Variants in CREBBP observed in about 807,000 individuals in gnomAD.
CREBBP encodes the protein CREB-binding protein.
In CREBBP, 19 loss-of-function variants were observed where a neutral mutation model predicts 265.0. That is an observed-to-expected ratio of 0.07 (90% confidence interval 0.05 to 0.11). The LOEUF (loss-of-function observed/expected upper bound fraction) is 0.11, where lower values mean the gene tolerates loss of function less well. CREBBP is among the 10% of genes least tolerant of loss of function. The probability of loss-of-function intolerance (pLI) is 1.00; values close to 1 mark genes in which losing one functional copy is unlikely to be tolerated. For synonymous variants in CREBBP, 1,457 were observed against 1,223.7 expected, an observed-to-expected ratio of 1.19 and a Z score of -3.98; for missense variants, 2,525 against 3,219.0, an observed-to-expected ratio of 0.78 and a Z score of 5.22.
chr16:3,876,331 C>T (rs2055399135), intron 1 of CREBBP, among the ~76,000 whole-genome samples: 1 of 149,284 alleles, frequency 6.7e-6, no homozygotes, highest in African/African-American at 2.5e-5. Flanking sequence ...TGAGCCACCA[C>T]CCTGGCCTGC....
At position 3,875,931 on chromosome 16, in the gene CREBBP, T is replaced by G. The variant is rs1248396507; in HGVS notation, c.85+3901A>C. Among the ~76,000 whole-genome samples, 4 of 152,310 alleles carry G rather than the reference T, an allele frequency of 2.6e-5. No homozygotes were observed. The East Asian group carries it at 7.7e-4, about 29-fold the overall frequency. ...AGCTTTCTTTAAATAAGCTTCCCTA[T>G]TGCATTTAAAAGGATTCACGTCATA... On this transcript the variant is annotated intron_variant, in intron 1 of 30. Transcript: ENST00000262367.
chr16:3,745,144 T>G, intron 22 of CREBBP, 133 bp downstream of exon 22: 1 of 998,020 alleles, frequency 1.0e-6, no homozygotes, highest in South Asian at 1.4e-5. Flanking sequence ...GAACTTAAAT[T>G]TAGAACCAAC....
At chr16:3,851,305 T>TAAAAAAAA (rs2054830531) in intron 1 of CREBBP, among the ~76,000 whole-genome samples, 1 of 69,006 alleles carries the variant, frequency 1.4e-5, no homozygotes, top group East Asian at 4.5e-4. Context: ...AAAAAAAAAA[T>TAAAAAAAA]TAAAAAAAAA....
In CREBBP at chr16:3,848,942, T is replaced by TA. The variant is rs892022265; in HGVS notation, c.798+1354dup. Among the ~76,000 whole-genome samples, 13 of 151,868 alleles carry TA rather than the reference T, an allele frequency of 8.6e-5. No homozygotes were observed. The South Asian group carries it at 1.0e-3, about 12-fold the overall frequency. ...ATTACTTCATCTTCATTTCTTAAGT[T>TA]AAAAAAAAATCCTCTCGTTTCCGAC... On this transcript the variant is annotated intron_variant, in intron 2 of 30. Coordinates refer to ENST00000262367, the MANE Select transcript of CREBBP (RefSeq NM_004380.3).
At chr16:3,863,822 G>A (rs1010104509) in intron 1 of CREBBP, among the ~76,000 whole-genome samples, 1 of 152,120 alleles carries the variant, frequency 6.6e-6, no homozygotes, top group Non-Finnish European at 1.5e-5. Flanking sequence ...GACAAGGGTG[G>A]AATGGAAGGT....
intron 23 of CREBBP, chr16:3,743,409 T>C (rs990918199): frequency 1.3e-5 from 2 of 152,254 alleles, no homozygotes; most frequent in Non-Finnish European, 2.9e-5. Flanking sequence ...ACAACAGAGT[T>C]TGAACTTGAA....
At chr16:3,786,817 A>G (rs997467041) in intron 5 of CREBBP, among the ~76,000 whole-genome samples, 1 of 152,182 alleles carries the variant, frequency 6.6e-6, no homozygotes, top group African/African-American at 2.4e-5. Context: ...CACGCCTGTA[A>G]TCCCAGCACT....
intron 1 of CREBBP, among the ~76,000 whole-genome samples, chr16:3,853,939 AAAACAAAC>A (rs550524407): frequency 4.0e-5 from 6 of 151,550 alleles, no homozygotes; most frequent in Non-Finnish European, 7.4e-5. Context: ...CTCCGTCTCA[AAAACAAAC>A]AAACAAACAA....
At chr16:3,748,300 A>G (rs527654792) in intron 21 of CREBBP, among the ~76,000 whole-genome samples, 1 of 152,122 alleles carries the variant, frequency 6.6e-6, no homozygotes, top group East Asian at 1.9e-4. Flanking sequence ...AAAAGGAAAG[A>G]AAAGTAGATA....
intron 2 of CREBBP, among the ~76,000 whole-genome samples, chr16:3,834,678 G>A (rs771303479): frequency 2.0e-5 from 3 of 152,060 alleles, no homozygotes; most frequent in Non-Finnish European, 4.4e-5. Flanking sequence ...TACAGACTTC[G>A]GATTATGATG....
intron 18 of CREBBP, 21 bp downstream of exon 18, chr16:3,757,788 C>A: frequency 1.2e-6 from 2 of 1,613,412 alleles, no homozygotes; most frequent in Non-Finnish European, 1.7e-6. Flanking sequence ...ATTCACTTTC[C>A]GGAAAAACTT....
intron 2 of CREBBP, among the ~76,000 whole-genome samples, chr16:3,837,427 G>A (rs986187562): frequency 5.9e-5 from 9 of 152,094 alleles, no homozygotes; most frequent in Admixed American, 3.9e-4. Context: ...ACCAGCCTGG[G>A]CAACATGGTA....
chr16:3,841,571 T>G (rs2141451896), intron 2 of CREBBP, among the ~76,000 whole-genome samples: 1 of 151,998 alleles, frequency 6.6e-6, no homozygotes, highest in East Asian at 1.9e-4. Context: ...AGCCCAGGAG[T>G]TCGAGGCTGC....
intron 19 of CREBBP, among the ~76,000 whole-genome samples, chr16:3,756,647 G>A (rs2052593041): frequency 6.6e-6 from 1 of 152,178 alleles, no homozygotes; most frequent in Non-Finnish European, 1.5e-5. Context: ...TGCTGCTAGT[G>A]TAAAATTTAA....
At position 3,742,976 on chromosome 16, in the gene CREBBP, G is replaced by C. The variant is rs535371251; in HGVS notation, c.3982+1918C>G. The C allele has an allele frequency of 3.4e-4, 52 of 152,314 alleles. 1 individual carries two copies. Among genetic ancestry groups the C allele is most frequent in the African/African-American group, 1.2e-3 (51 of 41,554 alleles). 9.4% of individuals were successfully genotyped at this position (152,314 alleles called of 1,614,324 possible). On this transcript the variant is annotated intron_variant, in intron 23 of 30. Transcript: ENST00000262367. Reference sequence around the variant, plus strand: ...GCAATGACTGTTCTACGGAGGCCTAGTTCTCTGGGTAATTCTGTTTTGGCT... The same window carrying C: ...GCAATGACTGTTCTACGGAGGCCTACTTCTCTGGGTAATTCTGTTTTGGCT...
intron 5 of CREBBP, 56 bp downstream of exon 5, chr16:3,791,925 T>C: frequency 6.9e-7 from 1 of 1,458,152 alleles, no homozygotes. Flanking sequence ...CTGAATTTTC[T>C]TTAGAAACAA....
At chr16:3,763,016 C>T (rs1214186761) in intron 16 of CREBBP, among the ~76,000 whole-genome samples, 3 of 151,246 alleles carry the variant, frequency 2.0e-5, no homozygotes, top group Non-Finnish European at 1.5e-5. Context: ...CCTCGTGATC[C>T]GCCCGCCTCG....
intron 3 of CREBBP, among the ~76,000 whole-genome samples, chr16:3,799,108 T>C (rs2053662766): frequency 6.6e-6 from 1 of 152,170 alleles, no homozygotes; most frequent in Non-Finnish European, 1.5e-5. Flanking sequence ...TTCTAGGAAA[T>C]GCCCAGAATA....
chr16:3,758,327 A>T (rs2052634717), intron 17 of CREBBP, among the ~76,000 whole-genome samples: 1 of 152,248 alleles, frequency 6.6e-6, no homozygotes, highest in Non-Finnish European at 1.5e-5. Flanking sequence ...AAAAAATTTT[A>T]AAAATAGATC....
Sources: allele counts gnomAD v4.1 joint callset (sites outside exome capture counted in the v4.1 genomes callset), GRCh38; gene constraint gnomAD v4.1.1; transcripts MANE v1.5; gene names NCBI Gene and HGNC (gene_info 2026-07-23, HGNC 2026-07-21).